SEC23A: variants seen among roughly 807,000 people sequenced by gnomAD.
SEC23A encodes the protein SEC23 homolog A, COPII component, also known as protein transport protein Sec23A.
A neutral mutation model predicts 103.7 loss-of-function variants in SEC23A; 56 were observed. That is an observed-to-expected ratio of 0.54 (90% CI 0.44 to 0.67). SEC23A has a LOEUF of 0.67. Ranked by LOEUF, SEC23A falls within the 30% of genes least tolerant of loss-of-function variation. The pLI is 0.00. For synonymous variants in SEC23A, 281 were observed against 293.0 expected (o/e 0.96, Z 0.42); for missense variants, 784 against 936.4 (o/e 0.84, Z 2.12).
At chr14:39,096,777 G>C (rs1887907220) in intron 1 of SEC23A, among the ~76,000 whole-genome samples, 1 of 152,122 alleles carries the variant, frequency 6.6e-6, no homozygotes, top group Non-Finnish European at 1.5e-5. Flanking sequence ...TATCAGTTTT[G>C]AAAATTATAA....
intron 14 of SEC23A, among the ~76,000 whole-genome samples, chr14:39,054,853 A>G (rs930589811): frequency 2.6e-5 from 4 of 152,256 alleles, no homozygotes; most frequent in African/African-American, 9.6e-5. Context: ...TTACAATAAT[A>G]TAGAATTAAA....
At chr14:39,059,686 T>C (rs1886400876) in intron 13 of SEC23A, among the ~76,000 whole-genome samples, 1 of 152,204 alleles carries the variant, frequency 6.6e-6, no homozygotes, top group African/African-American at 2.4e-5. Context: ...CTTTTCTAGA[T>C]TAAGTTGGAG....
intron 14 of SEC23A, among the ~76,000 whole-genome samples, chr14:39,052,674 T>G (rs187972838): frequency 3.5e-4 from 54 of 152,298 alleles, no homozygotes; most frequent in Non-Finnish European, 4.4e-4. Flanking sequence ...TTAGAATCTC[T>G]AAACAATGAA....
intron 9 of SEC23A, among the ~76,000 whole-genome samples, chr14:39,073,467 GTT>G (rs1886904316): frequency 1.3e-5 from 2 of 150,890 alleles, no homozygotes; most frequent in Admixed American, 6.6e-5. Flanking sequence ...TAATTTTTAT[GTT>G]TTTTAGTAGA....
At chr14:39,102,817 G>A (rs1298235187) in intron 1 of SEC23A, among the ~76,000 whole-genome samples, 1 of 152,320 alleles carries the variant, frequency 6.6e-6, no homozygotes, top group Non-Finnish European at 1.5e-5. Context: ...ACCTAATCCA[G>A]GGGAGCTGGA....
chr14:39,076,378 G>A (rs559524567), intron 7 of SEC23A, among the ~76,000 whole-genome samples: 26 of 151,562 alleles, frequency 1.7e-4, no homozygotes, highest in African/African-American at 6.0e-4. Flanking sequence ...AGGGAAGAGT[G>A]GAGAGAAAAG....
chr14:39,046,324 T>G (rs1162481308), intron 15 of SEC23A, among the ~76,000 whole-genome samples: 4 of 152,070 alleles, frequency 2.6e-5, no homozygotes, highest in South Asian at 2.1e-4. Flanking sequence ...CAAAAAATGA[T>G]TAGCCGGGTA....
chr14:39,095,103 G>T (rs1401554018), intron 2 of SEC23A: 3 of 654,034 alleles, frequency 4.6e-6, no homozygotes, highest in Non-Finnish European at 8.2e-6. Flanking sequence ...TTGAAGCAGG[G>T]TATACTACCA....
intron 13 of SEC23A, among the ~76,000 whole-genome samples, 163 bp downstream of exon 13, chr14:39,061,602 T>C (rs574955590): frequency 6.6e-6 from 1 of 152,312 alleles, no homozygotes; most frequent in African/African-American, 2.4e-5. Context: ...TAGTAATGCA[T>C]ATTGTAGCAA....
chr14:39,077,227 C>CAAAAAAAAAAAAAAAAAA (rs57549556), intron 7 of SEC23A, among the ~76,000 whole-genome samples: 1 of 36,472 alleles, frequency 2.7e-5, no homozygotes, highest in African/African-American at 1.3e-4. Context: ...GACTCCATCT[C>CAAAAAAAAAAAAAAAAAA]AAAAAAAAAA....
intron 7 of SEC23A, among the ~76,000 whole-genome samples, chr14:39,083,116 C>G (rs77864588): frequency 0.014 from 2,136 of 152,204 alleles, 58 homozygotes; most frequent in African/African-American, 0.048. Context: ...TACAAAGTTT[C>G]AAGGGGTTGG....
At chr14:39,093,986 C>T (rs955038764) in intron 2 of SEC23A, among the ~76,000 whole-genome samples, 2 of 151,646 alleles carry the variant, frequency 1.3e-5, no homozygotes, top group Admixed American at 6.6e-5. Flanking sequence ...CTAGAAAAAA[C>T]AGACAAAAGA....
chr14:39,040,164 G>T (rs1190519527), intron 18 of SEC23A: 1 of 152,288 alleles, frequency 6.6e-6, no homozygotes, highest in East Asian at 1.9e-4. Flanking sequence ...AGTATGTTAA[G>T]GAACCTAACT....
chr14:39,094,434 ATATATATATTTTTTT>A lies in SEC23A; in HGVS notation c.222-1205_222-1191del, dbSNP rs1259370937. On this transcript the variant is annotated intron_variant, in intron 2 of 19. Transcript: ENST00000307712. ...TATATATATATATATATATATATAT[ATATATATATTTTTTT>A]TTTTTTTTTTTCCCCTCCTGTAGAA... is the stretch of plus-strand genomic sequence containing the variant. Among the ~76,000 whole-genome samples the A allele has an allele frequency of 5.5e-3, 163 of 29,852 alleles. 17 individuals are homozygous for A. Among genetic ancestry groups the A allele is most frequent in the African/African-American group, 0.015 (34 of 2,252 alleles). The allele number at this position is 29,852 out of a possible 152,430, so 19.6% of individuals were successfully genotyped here. A position where few individuals can be genotyped will look rare whatever the true frequency, so the allele number is the denominator to read the frequency against.
intron 1 of SEC23A, among the ~76,000 whole-genome samples, chr14:39,101,622 CAA>C (rs575911630): frequency 1.7e-4 from 15 of 89,056 alleles, no homozygotes; most frequent in African/African-American, 3.0e-4. Flanking sequence ...GACTCCGTCT[CAA>C]AAAAAAAAAA....
chr14:39,039,171 G>A, intron 18 of SEC23A, 75 bp from the exon 19 acceptor site: 1 of 1,192,094 alleles, frequency 8.4e-7, no homozygotes, highest in South Asian at 1.3e-5. Context: ...ATTATATCAT[G>A]CAAAATCAAT....
chr14:39,045,406 C>T, intron 15 of SEC23A, 82 bp from the exon 16 acceptor site: 1 of 998,538 alleles, frequency 1.0e-6, no homozygotes, highest in African/African-American at 1.6e-5. Flanking sequence ...TATTTGATTA[C>T]AAACTATTAA....
intron 5 of SEC23A, 26 bp downstream of exon 5, chr14:39,091,451 T>C (rs535324666): frequency 6.4e-7 from 1 of 1,561,380 alleles, no homozygotes; most frequent in South Asian, 1.1e-5. Context: ...TTCAGATAGG[T>C]AAAAACTACC....
At chr14:39,051,487 A>G (rs1886058252) in intron 14 of SEC23A, among the ~76,000 whole-genome samples, 1 of 152,198 alleles carries the variant, frequency 6.6e-6, no homozygotes, top group Admixed American at 6.5e-5. Context: ...TCATTTAATT[A>G]ATTACTAGGC....
Sources: gnomAD v4.1 joint callset for allele counts (sites outside exome capture counted in the v4.1 genomes callset) on GRCh38, gnomAD v4.1.1 for gene constraint, MANE v1.5 for transcripts, NCBI Gene and HGNC (gene_info 2026-07-23, HGNC 2026-07-21) for gene names.